MICU1: variants seen among roughly 807,000 people sequenced by gnomAD.
MICU1 encodes the protein calcium uptake protein 1, mitochondrial.
Under a neutral mutation model 56.8 loss-of-function variants are expected in MICU1, and 45 were observed. The observed-to-expected ratio is 0.79, with a 90% CI of 0.62 to 1.02. The LOEUF (loss-of-function observed/expected upper bound fraction) is 1.02, where lower values mean the gene tolerates loss of function less well. MICU1 is among the 50% of genes least tolerant of loss of function. MICU1 has a pLI of 0.00. For missense variants in MICU1, 504 were observed against 587.1 expected (o/e 0.86, Z 1.46); for synonymous variants, 186 against 195.1 (o/e 0.95, Z 0.39).
At position 72,553,334 on chromosome 10, in the gene MICU1, C is replaced by T. The variant is rs183652826; in HGVS notation, c.331-1993G>A. On this transcript the variant is annotated intron_variant, in intron 3 of 11. Coordinates refer to ENST00000361114, the MANE Select transcript of MICU1 (RefSeq NM_001195518.2). ...CTGCAAGCTCTACCTCCCGGGTTCA[C>T]GCCATTCTCCTGCCTCAGCCTCCCT... 3.9e-3 allele frequency among the ~76,000 whole-genome samples: 597 copies of T among 151,302 alleles called. 4 individuals are homozygous for T. Among genetic ancestry groups the T allele is most frequent in the Middle Eastern group, 0.034 (10 of 294 alleles).
At chr10:72,498,340 C>T (rs1054999586) in intron 6 of MICU1, among the ~76,000 whole-genome samples, 1 of 152,180 alleles carries the variant, frequency 6.6e-6, no homozygotes, top group African/African-American at 2.4e-5. Context: ...AATCCCAGCA[C>T]TTTGGGAGGC....
rs565981592 is a variant in MICU1 at position 72,438,042 on chromosome 10, G to A, written c.934-14671C>T. Among the ~76,000 whole-genome samples the A allele has an allele frequency of 2.6e-4, 39 of 152,272 alleles. No individual in the cohort carries two copies. The South Asian group carries it at 7.1e-3, about 28-fold the overall frequency. The stretch of plus-strand genomic sequence containing the variant: ...GGATTTGAACTCAGCTCTGCAACAA[G>A]TGGACCTAATAGACATCTACAGAAC... On this transcript the variant is annotated intron_variant, in intron 8 of 11. Transcript: ENST00000361114.
At chr10:72,514,081 T>C (rs1205572952) in intron 5 of MICU1, among the ~76,000 whole-genome samples, 1 of 152,136 alleles carries the variant, frequency 6.6e-6, no homozygotes, top group Non-Finnish European at 1.5e-5. Flanking sequence ...ACCTATATCT[T>C]CAAGTTCACT....
Position 72,475,157 on chromosome 10 carries a change from T to C in MICU1, c.876A>G (p.Thr292=). 1.2e-6 allele frequency: 2 copies of C among 1,611,632 alleles called. No individual in the cohort carries two copies. The highest frequency in any genetic ancestry group is 8.5e-7 in the Non-Finnish European group (1 of 1,178,860). Residue 292 remains threonine (T), a synonymous_variant, in exon 8 of 12, where the codon ACA becomes ACG. Coordinates refer to ENST00000361114, the MANE Select transcript of MICU1 (RefSeq NM_001195518.2). ...GCTGAAATTCGAGGAAGTTTTTGAT[T>C]GTCAGCTTTCCCTTCAGATCAGCTC... ...FFGADLKGKL[T]IKNFLEFQRK...
intron 6 of MICU1, among the ~76,000 whole-genome samples, chr10:72,493,884 G>A (rs1341743554): frequency 3.3e-5 from 5 of 152,164 alleles, no homozygotes; most frequent in Middle Eastern, 3.2e-3. Context: ...CCATCAAGAC[G>A]CTGAAAAGGT....
At chr10:72,509,713 T>G (rs930645833) in intron 5 of MICU1, among the ~76,000 whole-genome samples, 1 of 152,118 alleles carries the variant, frequency 6.6e-6, no homozygotes, top group Non-Finnish European at 1.5e-5. Flanking sequence ...GATTACTTCT[T>G]TGAGTTGACA....
intron 3 of MICU1, among the ~76,000 whole-genome samples, chr10:72,554,149 G>A (rs1840102978): frequency 6.6e-6 from 1 of 152,188 alleles, no homozygotes; most frequent in Admixed American, 6.5e-5. Context: ...GCATCAAGGA[G>A]TAGCCAAAGA....
intron 8 of MICU1, among the ~76,000 whole-genome samples, chr10:72,448,119 A>ATGTGTG (rs770189954): frequency 5.0e-4 from 24 of 47,646 alleles, no homozygotes; most frequent in Non-Finnish European, 1.0e-3. Context: ...AAGTTTATAT[A>ATGTGTG]TATGTGTGTG....
At chr10:72,522,348 TTA>T (rs1867848742) in intron 5 of MICU1, among the ~76,000 whole-genome samples, 1 of 152,162 alleles carries the variant, frequency 6.6e-6, no homozygotes, top group Admixed American at 6.5e-5. Context: ...TTAGTCATGT[TTA>T]TGTTTTCAAA....
chr10:72,528,523 G>A (rs1868027644), intron 5 of MICU1, among the ~76,000 whole-genome samples: 1 of 152,150 alleles, frequency 6.6e-6, no homozygotes, highest in African/African-American at 2.4e-5. Context: ...GAGAGGGAAA[G>A]ACATGGCTAA....
At chr10:72,468,578 GTTTT>G (rs199561842) in intron 8 of MICU1, among the ~76,000 whole-genome samples, 2 of 149,338 alleles carry the variant, frequency 1.3e-5, no homozygotes, top group Non-Finnish European at 3.0e-5. Flanking sequence ...TTTTAGACCT[GTTTT>G]TTTTGTGAGT....
At chr10:72,576,172 C>T (rs890670387) in intron 1 of MICU1, among the ~76,000 whole-genome samples, 1 of 146,570 alleles carries the variant, frequency 6.8e-6, no homozygotes, top group Non-Finnish European at 1.5e-5. Context: ...TGAGATCGTG[C>T]CACTGCACTC....
At chr10:72,486,945 GA>G (rs1178993797) in intron 6 of MICU1, among the ~76,000 whole-genome samples, 3 of 152,166 alleles carry the variant, frequency 2.0e-5, no homozygotes, top group East Asian at 1.9e-4. Flanking sequence ...AGAAGGGTAA[GA>G]CATCAGTTAG....
chr10:72,547,764 C>T (rs1220305013), intron 4 of MICU1, among the ~76,000 whole-genome samples: 14 of 152,114 alleles, frequency 9.2e-5, no homozygotes, highest in Non-Finnish European at 7.4e-5. Context: ...TTCTATAATA[C>T]AAATGACCTA....
At chr10:72,545,263 T>C (rs1200729586) in intron 4 of MICU1, among the ~76,000 whole-genome samples, 3 of 152,184 alleles carry the variant, frequency 2.0e-5, no homozygotes, top group African/African-American at 7.2e-5. Flanking sequence ...ATGATTACTG[T>C]TGATGAAAAA....
intron 5 of MICU1, among the ~76,000 whole-genome samples, chr10:72,525,565 T>C (rs577242150): frequency 6.6e-5 from 10 of 152,194 alleles, no homozygotes; most frequent in Admixed American, 2.0e-4. Context: ...ATTACAGAGA[T>C]AGCACAGGAG....
At chr10:72,585,658 C>CAA (rs201988384) in intron 1 of MICU1, among the ~76,000 whole-genome samples, 15 of 123,976 alleles carry the variant, frequency 1.2e-4, no homozygotes, top group African/African-American at 3.3e-4. Flanking sequence ...GACTCTTTCT[C>CAA]AAAAAAAAAA....
chr10:72,567,700 G>A, intron 1 of MICU1, among the ~76,000 whole-genome samples: 1 of 152,266 alleles, frequency 6.6e-6, no homozygotes, highest in Middle Eastern at 3.4e-3. Context: ...CTAGGAAATT[G>A]CATATGAGAG....
At chr10:72,522,273 A>G (rs550201208) in intron 5 of MICU1, among the ~76,000 whole-genome samples, 1 of 152,254 alleles carries the variant, frequency 6.6e-6, no homozygotes, top group Non-Finnish European at 1.5e-5. Flanking sequence ...TCTGATAGCA[A>G]AGTGATTTTT....
Sources: gnomAD v4.1 joint callset for allele counts (sites outside exome capture counted in the v4.1 genomes callset) on GRCh38, gnomAD v4.1.1 for gene constraint, MANE v1.5 for transcripts, NCBI Gene and HGNC (gene_info 2026-07-23, HGNC 2026-07-21) for gene names.